The following C1QTNF3 variants were observed in gnomAD, a reference collection of about 807,000 sequenced individuals.
C1QTNF3 encodes the protein complement C1q tumor necrosis factor-related protein 3.
C1QTNF3 carries 26 observed loss-of-function variants against 32.6 expected under a neutral mutation model. That is an observed-to-expected ratio of 0.80 (90% CI 0.58 to 1.11). C1QTNF3 has a LOEUF of 1.11. Among genes scored for constraint, C1QTNF3 ranks in the 50% least tolerant of loss-of-function variants. C1QTNF3 has a pLI of 0.00. For missense variants in C1QTNF3, 362 were observed against 398.2 expected (o/e 0.91, Z 0.77); for synonymous variants, 155 against 146.0 (o/e 1.06, Z -0.44).
the C1QTNF3 span, among the ~76,000 whole-genome samples, chr5:34,136,204 G>GCC: frequency 3.1e-4 from 40 of 127,532 alleles, no homozygotes; most frequent in Non-Finnish European, 5.9e-4. Flanking sequence ...CCATCAGAGT[G>GCC]AACAGGTAAC....
the C1QTNF3 span, among the ~76,000 whole-genome samples, chr5:34,135,544 G>A: frequency 6.6e-6 from 1 of 151,982 alleles, no homozygotes; most frequent in African/African-American, 2.4e-5. Flanking sequence ...GAATCTGTCT[G>A]GTCCTGGACT....
rs1330002647 is a variant in C1QTNF3, at chr5:34,028,882, A to G, written c.572T>C (p.Ile191Thr). Residue 191 changes from isoleucine (I) to threonine (T), a missense_variant and splice_region_variant, in exon 4 of 6, where the codon ATT becomes ACT. Transcript: ENST00000382065. Reference protein sequence around the residue: ...GYPGIPPELQIAFMASLATHF... With the variant: ...GYPGIPPELQTAFMASLATHF... ...GGTTGCCAGAGAAGCCATGAATGCA[A>G]TCTAAGGAAAGAATTATTGGTCAAT... The G allele has an allele frequency of 1.2e-6, 2 of 1,608,286 alleles. No individual in the cohort carries two copies. Among genetic ancestry groups the G allele is most frequent in the Non-Finnish European group, 1.7e-6 (2 of 1,177,264 alleles).
At chr5:34,119,395 C>G in the C1QTNF3 span, among the ~76,000 whole-genome samples, 1 of 152,136 alleles carries the variant, frequency 6.6e-6, no homozygotes, top group African/African-American at 2.4e-5. Flanking sequence ...GGACATAGTG[C>G]CATAGAGATT....
the C1QTNF3 span, among the ~76,000 whole-genome samples, chr5:34,058,428 G>A: frequency 4.6e-5 from 7 of 152,116 alleles, no homozygotes; most frequent in East Asian, 1.9e-4. Flanking sequence ...CTTTTCTGTC[G>A]TATTTCCGGC....
the C1QTNF3 span, among the ~76,000 whole-genome samples, chr5:34,084,850 C>T: frequency 1.4e-5 from 2 of 140,624 alleles, no homozygotes; most frequent in South Asian, 2.2e-4. Flanking sequence ...AATTAGATCC[C>T]ATTTGTCAAT....
chr5:34,122,998 C>A, the C1QTNF3 span, among the ~76,000 whole-genome samples: 1 of 150,502 alleles, frequency 6.6e-6, no homozygotes, highest in East Asian at 1.9e-4. Flanking sequence ...CCGCACTCTG[C>A]AGTTCTCCTC....
chr5:34,061,685 C>T, the C1QTNF3 span, among the ~76,000 whole-genome samples: 1 of 152,196 alleles, frequency 6.6e-6, no homozygotes, highest in African/African-American at 2.4e-5. Flanking sequence ...ACCTTTCAGC[C>T]ATGGCTGGAG....
At chr5:34,229,156 C>T in the C1QTNF3 span, among the ~76,000 whole-genome samples, 1 of 152,060 alleles carries the variant, frequency 6.6e-6, no homozygotes, top group Non-Finnish European at 1.5e-5. Flanking sequence ...TAGAATGCAA[C>T]TTCTGTCACT....
chr5:34,083,092 T>A, the C1QTNF3 span, among the ~76,000 whole-genome samples: 3 of 151,368 alleles, frequency 2.0e-5, no homozygotes, highest in African/African-American at 7.4e-5. Flanking sequence ...TCAGCATACA[T>A]ACCTAATATA....
chr5:34,211,397 C>CT, the C1QTNF3 span, among the ~76,000 whole-genome samples: 9 of 150,690 alleles, frequency 6.0e-5, no homozygotes, highest in African/African-American at 9.8e-5. Context: ...TGTATACCCC[C>CT]TTTTTTTTTA....
the C1QTNF3 span, among the ~76,000 whole-genome samples, chr5:34,224,186 T>C: frequency 4.6e-5 from 7 of 152,192 alleles, no homozygotes; most frequent in African/African-American, 1.7e-4. Context: ...TCCATGCTCA[T>C]GGGTAGGAAG....
the C1QTNF3 span, among the ~76,000 whole-genome samples, chr5:34,089,143 T>G: frequency 6.6e-6 from 1 of 152,212 alleles, no homozygotes; most frequent in Non-Finnish European, 1.5e-5. Flanking sequence ...AAATCTCTCC[T>G]GATTCTGTGG....
chr5:34,142,241 A>G, the C1QTNF3 span, among the ~76,000 whole-genome samples: 2 of 152,104 alleles, frequency 1.3e-5, no homozygotes, highest in Admixed American at 6.5e-5. Flanking sequence ...ATACCAGTCT[A>G]GCCAACATGT....
At chr5:34,021,113 T>C (rs1271022284) in intron 5 of C1QTNF3, among the ~76,000 whole-genome samples, 3 of 152,238 alleles carry the variant, frequency 2.0e-5, no homozygotes, top group Non-Finnish European at 2.9e-5. Context: ...ATATTATGTT[T>C]GAGCTATTCC....
At chr5:34,107,938 G>A in the C1QTNF3 span, among the ~76,000 whole-genome samples, 1 of 151,888 alleles carries the variant, frequency 6.6e-6, no homozygotes, top group East Asian at 1.9e-4. Context: ...AAAACTAGCT[G>A]GTCTACACTC....
At chr5:34,026,133 C>T (rs966462433) in intron 4 of C1QTNF3, among the ~76,000 whole-genome samples, 1 of 152,148 alleles carries the variant, frequency 6.6e-6, no homozygotes, top group Non-Finnish European at 1.5e-5. Context: ...CCACGTTCTG[C>T]AACGCTAGGA....
At chr5:34,045,172 T>C (rs1754966894), upstream of C1QTNF3, among the ~76,000 whole-genome samples, 1 of 152,234 alleles carries the variant, frequency 6.6e-6, no homozygotes, top group Non-Finnish European at 1.5e-5. Flanking sequence ...CTCACCATCA[T>C]GCATCCCCCA....
chr5:34,160,773 C>G, the C1QTNF3 span, among the ~76,000 whole-genome samples: 97,236 of 151,790 alleles, frequency 0.64, 31,414 homozygotes, highest in African/African-American at 0.66. Flanking sequence ...ATCCCTGACC[C>G]ATGACAGACT....
the C1QTNF3 span, chr5:34,168,388 G>T: frequency 7.9e-5 from 12 of 151,098 alleles, no homozygotes; most frequent in African/African-American, 2.9e-4. Flanking sequence ...GATTAGATGT[G>T]TGAGGGATTT....
Sources: allele counts gnomAD v4.1 joint callset (sites outside exome capture counted in the v4.1 genomes callset), GRCh38; gene constraint gnomAD v4.1.1; transcripts MANE v1.5; gene names NCBI Gene and HGNC (gene_info 2026-07-23, HGNC 2026-07-21).